ARHGEF15: variants seen among roughly 807,000 people sequenced by gnomAD.
ARHGEF15 encodes the protein Rho guanine nucleotide exchange factor (GEF) 15.
Under a neutral mutation model 79.7 loss-of-function variants are expected in ARHGEF15, and 58 were observed. The observed-to-expected ratio is 0.73, with a 90% CI of 0.59 to 0.91. The LOEUF is 0.91. Among genes scored for constraint, ARHGEF15 ranks in the 40% least tolerant of loss-of-function variants. ARHGEF15 has a pLI of 0.00. For synonymous variants in ARHGEF15, 442 were observed against 456.0 expected (o/e 0.97, Z 0.39); for missense variants, 1,012 against 1,108.1 (o/e 0.91, Z 1.23).
rs778880579 is a variant in ARHGEF15 at position 8,313,032 on chromosome 17, C to T, written c.712C>T (p.Pro238Ser). The T allele has an allele frequency of 5.0e-6, 8 of 1,613,334 alleles. No homozygotes were observed. Among genetic ancestry groups the T allele is most frequent in the East Asian group, 2.2e-5 (1 of 44,876 alleles). The change falls in exon 3 of 16, where the codon CCC becomes TCC. Residue 238 changes from proline (P) to serine (S), a missense_variant. This residue lies in a region of ARHGEF15 where 818 missense variants were observed against 882.5 expected (regional missense o/e 0.93). Transcript: ENST00000361926. ...VGGYEEVPRV[P>S]RRASPLRTSR... Reference sequence around the variant, plus strand: ...GGGCTATGAGGAGGTCCCCAGGGTCCCCCGTCGGGCCTCCCCGCTGCGGAC... The same window carrying T: ...GGGCTATGAGGAGGTCCCCAGGGTCTCCCGTCGGGCCTCCCCGCTGCGGAC...
rs553491591 is a variant in ARHGEF15 at position 8,319,097 on chromosome 17, C to A, written c.2124C>A (p.Arg708=). The A allele has an allele frequency of 6.2e-7, 1 of 1,614,046 alleles. No homozygotes were observed. Reference sequence around the variant, plus strand: ...ATCCATCTGGACCCCCTACCTTCCGCCTCTCCCTTCTCAGCAACCACCAGG... The same window carrying A: ...ATCCATCTGGACCCCCTACCTTCCGACTCTCCCTTCTCAGCAACCACCAGG... ...VPDPSGPPTF[R]LSLLSNHQGR... Residue 708 remains arginine, a synonymous_variant, in exon 13 of 16, where the codon CGC becomes CGA. Transcript: ENST00000361926.
chr17:8,314,876 G>C, intron 4 of ARHGEF15, 30 bp from the exon 5 acceptor site: 1 of 1,612,374 alleles, frequency 6.2e-7, no homozygotes, highest in Non-Finnish European at 8.5e-7. Flanking sequence ...TGGTGGCCCT[G>C]GGGACTTCCT....
chr17:8,311,399 T>G (rs8071096), intron 1 of ARHGEF15, among the ~76,000 whole-genome samples: 65,214 of 151,662 alleles, frequency 0.43, 14,250 homozygotes, highest in East Asian at 0.67. Flanking sequence ...AGGAGAGACC[T>G]CGCCAGGACC....
intron 2 of ARHGEF15, 129 bp downstream of exon 2, chr17:8,312,769 T>A (rs1340952682): frequency 6.3e-7 from 1 of 1,587,392 alleles, no homozygotes; most frequent in Non-Finnish European, 8.6e-7. Flanking sequence ...GGTTTCTGTA[T>A]GTCGGGATTT....
Position 8,313,065 on chromosome 17 carries a change from T to TC in ARHGEF15, c.748dup (p.Arg250ProfsTer22). The TC allele has an allele frequency of 5.0e-6, 8 of 1,593,390 alleles. No individual in the cohort carries two copies. The highest frequency in any genetic ancestry group is 3.3e-5 in the Admixed American group (2 of 59,840). ...GGCCTCCCCGCTGCGGACCTCTCGC[T>TC]CCCGCCCCCACCCTCCAAGCATCGG... On this transcript the variant is annotated frameshift_variant, in exon 3 of 16. Coordinates refer to ENST00000361926, the MANE Select transcript of ARHGEF15 (RefSeq NM_173728.4). LOFTEE classifies it high-confidence loss of function.
Position 8,321,128 on chromosome 17 carries a change from G to A in ARHGEF15, c.*135G>A. 7.8e-7 allele frequency: 1 copy of A among 1,281,368 alleles called. No homozygotes were observed. Among genetic ancestry groups the A allele is most frequent in the South Asian group, 1.4e-5 (1 of 69,560 alleles). The allele number at this position is 1,281,368 out of a possible 1,614,324, so 79.4% of individuals were successfully genotyped here. The stretch of plus-strand genomic sequence containing the variant: ...TGGCAACCATAGAGATCGAGCTTCA[G>A]GACAGAGCAGCCAATGAAAACGGCC... On this transcript the variant is annotated 3_prime_UTR_variant, in exon 16 of 16. Coordinates refer to ENST00000361926, the MANE Select transcript of ARHGEF15 (RefSeq NM_173728.4).
chr17:8,312,416 C>T lies in ARHGEF15; in HGVS notation c.377C>T (p.Ser126Leu). 2 of 1,613,696 alleles carry T rather than the reference C, an allele frequency of 1.2e-6. No homozygotes were observed. The highest frequency in any genetic ancestry group is 1.7e-4 in the Middle Eastern group (1 of 6,058). ...GTCCCCCCACCCAAGCCGTCTGGGT[C>T]ACCCTGCACGCCTCTGCTCCCCATG... is the stretch of plus-strand genomic sequence containing the variant. ...SPVPPPKPSG[S>L]PCTPLLPMAG... Residue 126 changes from serine to leucine, a missense_variant, in exon 2 of 16, where the codon TCA becomes TTA. By Grantham distance (145) the Ser-to-Leu change is moderately radical. Around this residue, in one of 3 missense-constraint regions of ARHGEF15, gnomAD observed 818 missense variants for 882.5 expected, o/e 0.93. Coordinates refer to ENST00000361926, the MANE Select transcript of ARHGEF15 (RefSeq NM_173728.4).
chr17:8,312,161 C>T lies in ARHGEF15; in HGVS notation c.122C>T (p.Ser41Phe), dbSNP rs771083328. Reference protein sequence around the residue: ...AQSPGPPHNGSSPQELPRNSN... With the variant: ...AQSPGPPHNGFSPQELPRNSN... ...TCCCCAGGGCCTCCCCACAATGGCT[C>T]CTCTCCACAAGAACTACCCCGAAAC... The change falls in exon 2 of 16, where the codon TCC becomes TTC. Residue 41 changes from serine to phenylalanine, a missense_variant. Coordinates refer to ENST00000361926, the MANE Select transcript of ARHGEF15 (RefSeq NM_173728.4). 1 of 1,610,272 alleles carries T rather than the reference C, an allele frequency of 6.2e-7. No individual in the cohort carries two copies. Among genetic ancestry groups the T allele is most frequent in the Non-Finnish European group, 8.5e-7 (1 of 1,178,450 alleles).
At position 8,318,117 on chromosome 17, in the gene ARHGEF15, T is replaced by C. The variant is rs2151642673; in HGVS notation, c.1705-270T>C. 1 of 410,744 alleles carries C rather than the reference T, an allele frequency of 2.4e-6. No individual in the cohort carries two copies. The highest frequency in any genetic ancestry group is 5.9e-5 in the South Asian group (1 of 16,904). The allele number at this position is 410,744 out of a possible 1,614,324, so 25.4% of individuals were successfully genotyped here. A position where few individuals can be genotyped will look rare whatever the true frequency, so the allele number is the denominator to read the frequency against. ...TCAACATTTAATATGTGCCAAGAAC[T>C]ATGCTAAGCACTTTACATATATTGC... On this transcript the variant is annotated intron_variant, in intron 9 of 15. Transcript: ENST00000361926. This position sits in a 1 kb window ranked among gnomAD's most constrained non-coding sequence, Gnocchi z 5.0.
chr17:8,310,768 G>C (rs556568415), intron 1 of ARHGEF15: 181 of 151,844 alleles, frequency 1.2e-3, no homozygotes, highest in Middle Eastern at 3.4e-3. Context: ...TGGTTCGTGA[G>C]GGGGGGGTGT....
At chr17:8,319,877 T>C (rs1422331976) in intron 15 of ARHGEF15, among the ~76,000 whole-genome samples, 1 of 151,744 alleles carries the variant, frequency 6.6e-6, no homozygotes, top group Non-Finnish European at 1.5e-5. Flanking sequence ...AGGTGATCCG[T>C]CCCCTTTCAC....
intron 4 of ARHGEF15, 182 bp downstream of exon 4, chr17:8,313,737 A>G (rs1218513242): frequency 1.8e-6 from 1 of 547,504 alleles, no homozygotes; most frequent in Admixed American, 3.7e-5. Flanking sequence ...CAATTCTGTG[A>G]TCTTATAGAA....
At position 8,321,262 on chromosome 17, in the gene ARHGEF15, T is replaced by C. The variant is rs919879253; in HGVS notation, c.*269T>C. 6 of 409,920 alleles carry C rather than the reference T, an allele frequency of 1.5e-5. No homozygotes were observed. The highest frequency in any genetic ancestry group is 1.2e-4 in the African/African-American group (6 of 50,054). The allele number at this position is 409,920 out of a possible 1,614,324, so 25.4% of individuals were successfully genotyped here. The stretch of plus-strand genomic sequence containing the variant: ...ATGGGTACTGAGCTGGCTGAGCCTA[T>C]GGCCAATGAGTATTCCTGCTATGCT... On this transcript the variant is annotated 3_prime_UTR_variant, in exon 16 of 16. Coordinates refer to ENST00000361926, the MANE Select transcript of ARHGEF15 (RefSeq NM_173728.4).
Position 8,312,490 on chromosome 17 carries a change from C to CGGA in ARHGEF15, c.454_456dup (p.Arg152dup), listed in dbSNP as rs1904706905. 5.0e-6 allele frequency: 8 copies of CGGA among 1,612,800 alleles called. No homozygotes were observed. Among genetic ancestry groups the CGGA allele is most frequent in the Non-Finnish European group, 6.8e-6 (8 of 1,179,626 alleles). ...CTCTGCCTCAGCTCCTGGCACTGTG[C>CGGA]GGAGGCTGGCTGGCAGGTTTGAAGG... On this transcript the variant is annotated inframe_insertion, in exon 2 of 16. Transcript: ENST00000361926.
chr17:8,314,627 A>G (rs1904883843), intron 4 of ARHGEF15, among the ~76,000 whole-genome samples: 1 of 151,926 alleles, frequency 6.6e-6, no homozygotes, highest in Non-Finnish European at 1.5e-5. Flanking sequence ...TGGGCCGGGC[A>G]AAGTAGGTTA....
Position 8,315,258 on chromosome 17 carries a change from A to C in ARHGEF15, c.1241A>C (p.Gln414Pro). The stretch of plus-strand genomic sequence containing the variant: ...GGTCTTCTGGATACCCTCAGCCCCC[A>C]GGAGAGGCGCATGCAGGAGGTGGGA... ...ASGLLDTLSPQERRMQESLFE... is the reference protein window; with the variant it reads ...ASGLLDTLSPPERRMQESLFE... Residue 414 changes from glutamine to proline, a missense_variant, in exon 6 of 16, where the codon CAG becomes CCG. Coordinates refer to ENST00000361926, the MANE Select transcript of ARHGEF15 (RefSeq NM_173728.4). The surrounding 1 kb of genome is among the most constrained non-coding windows in gnomAD (Gnocchi z 4.3). The C allele has an allele frequency of 3.7e-6, 6 of 1,613,032 alleles. No homozygotes were observed. The highest frequency in any genetic ancestry group is 4.2e-6 in the Non-Finnish European group (5 of 1,179,814).
rs1597463318 is a variant in ARHGEF15 at position 8,315,292 on chromosome 17, T to C, written c.1260+15T>C. Reference sequence around the variant, plus strand: ...GCATGCAGGAGGTGGGAGCTGGAGGTGGGAGATGGGAGGGGGGTGCTGGGG... The same window carrying C: ...GCATGCAGGAGGTGGGAGCTGGAGGCGGGAGATGGGAGGGGGGTGCTGGGG... On this transcript the variant is annotated intron_variant, in intron 6 of 15. Coordinates refer to ENST00000361926, the MANE Select transcript of ARHGEF15 (RefSeq NM_173728.4). This position sits in a 1 kb window ranked among gnomAD's most constrained non-coding sequence, Gnocchi z 4.3. 1.2e-6 allele frequency: 2 copies of C among 1,609,478 alleles called. No individual in the cohort carries two copies. The highest frequency in any genetic ancestry group is 8.5e-7 in the Non-Finnish European group (1 of 1,178,668).
chr17:8,313,069 G>GCCCCCCC lies in ARHGEF15; in HGVS notation c.754_755insCCCCCCC (p.His252ProfsTer22), dbSNP rs1597461437. ...TCCCCGCTGCGGACCTCTCGCTCCC[G>GCCCCCCC]CCCCCACCCTCCAAGCATCGGTCAC... On this transcript the variant is annotated frameshift_variant, in exon 3 of 16. Coordinates refer to ENST00000361926, the MANE Select transcript of ARHGEF15 (RefSeq NM_173728.4). LOFTEE classifies it high-confidence loss of function. The GCCCCCCC allele has an allele frequency of 7.0e-6, 11 of 1,573,240 alleles. No homozygotes were observed. Among genetic ancestry groups the GCCCCCCC allele is most frequent in the African/African-American group, 4.2e-5 (3 of 71,120 alleles).
Position 8,321,000 on chromosome 17 carries a change from C to T in ARHGEF15, c.*7C>T. 3 of 1,614,016 alleles carry T rather than the reference C, an allele frequency of 1.9e-6. No individual in the cohort carries two copies. Among genetic ancestry groups the T allele is most frequent in the Non-Finnish European group, 2.5e-6 (3 of 1,179,984 alleles). On this transcript the variant is annotated 3_prime_UTR_variant, in exon 16 of 16. Coordinates refer to ENST00000361926, the MANE Select transcript of ARHGEF15 (RefSeq NM_173728.4). ...CAATGCCCCCCCACCCTAATGCAGG[C>T]TGAGGAGGGGGCACATGTTGGGAGA...
Sources: allele counts gnomAD v4.1 joint callset (sites outside exome capture counted in the v4.1 genomes callset), GRCh38; gene constraint gnomAD v4.1.1; regional missense constraint gnomAD v4.1.1; non-coding constraint Gnocchi (gnomAD v3.1); transcripts MANE v1.5; gene names NCBI Gene and HGNC (gene_info 2026-07-23, HGNC 2026-07-21).